Variants in LIMCH1 observed in about 807,000 individuals in gnomAD.
The protein encoded by LIMCH1 is LIM and calponin homology domains-containing protein 1.
In LIMCH1, 113 loss-of-function variants were observed where a neutral mutation model predicts 176.5. The observed-to-expected ratio is 0.64, with a 90% CI of 0.55 to 0.75. The LOEUF (loss-of-function observed/expected upper bound fraction) is 0.75, where lower values mean the gene tolerates loss of function less well. Among genes scored for constraint, LIMCH1 ranks in the 30% least tolerant of loss-of-function variants. The pLI is 0.00. For missense variants in LIMCH1, 1,674 were observed against 1,814.9 expected (o/e 0.92, Z 1.41); for synonymous variants, 619 against 645.9 (o/e 0.96, Z 0.63).
intron 1 of LIMCH1, among the ~76,000 whole-genome samples, chr4:41,547,869 A>G (rs1324414786): frequency 4.8e-5 from 6 of 124,466 alleles, no homozygotes; most frequent in South Asian, 2.4e-4. Flanking sequence ...GTGTGTATAT[A>G]TATATATATA....
intron 2 of LIMCH1, among the ~76,000 whole-genome samples, chr4:41,505,262 A>C (rs1356483903): frequency 2.0e-5 from 3 of 152,160 alleles, no homozygotes; most frequent in African/African-American, 7.2e-5. Context: ...GGCTGTTCTT[A>C]TTATTGTTTT....
At chr4:41,480,871 G>A (rs1395448478) in intron 1 of LIMCH1, among the ~76,000 whole-genome samples, 1 of 152,140 alleles carries the variant, frequency 6.6e-6, no homozygotes, top group Non-Finnish European at 1.5e-5. Context: ...CAAGGCAAGG[G>A]CAGCTTAAGG....
At chr4:41,627,770 C>A (rs2093062107) in intron 8 of LIMCH1, among the ~76,000 whole-genome samples, 1 of 152,200 alleles carries the variant, frequency 6.6e-6, no homozygotes, top group Admixed American at 6.5e-5. Flanking sequence ...TTTCATCCTG[C>A]AGAGTTAATC....
Position 41,680,082 on chromosome 4 carries a change from G to A in LIMCH1, c.3596G>A (p.Arg1199His), listed in dbSNP as rs776885660. The A allele has an allele frequency of 5.2e-5, 83 of 1,604,806 alleles. No homozygotes were observed. The highest frequency in any genetic ancestry group is 1.6e-4 in the Middle Eastern group (1 of 6,074). Residue 1199 changes from arginine to histidine, a missense_variant, in exon 24 of 32, where the codon CGC becomes CAC. Around this residue, in one of 3 missense-constraint regions of LIMCH1, gnomAD observed 1,015 missense variants for 1,102.5 expected, o/e 0.92. Coordinates refer to ENST00000503057, the MANE Select transcript of LIMCH1 (RefSeq NM_001330672.2). ...KAQKEVEEEE[R>H]RYYEEERKII... ...CAAAAGGAGGTGGAAGAGGAAGAACGCAGATACTATGAGGAGGTAGGAAAT... is the reference window on the plus strand; with the variant it reads ...CAAAAGGAGGTGGAAGAGGAAGAACACAGATACTATGAGGAGGTAGGAAAT...
intron 1 of LIMCH1, among the ~76,000 whole-genome samples, chr4:41,561,020 AAAAC>A (rs1470857477): frequency 2.0e-5 from 3 of 152,200 alleles, no homozygotes; most frequent in Non-Finnish European, 2.9e-5. Context: ...GTGTCTCAAA[AAAAC>A]AAACAAACCA....
intron 1 of LIMCH1, among the ~76,000 whole-genome samples, chr4:41,442,519 G>A (rs897159444): frequency 2.6e-5 from 4 of 152,182 alleles, no homozygotes; most frequent in African/African-American, 7.2e-5. Context: ...TTAATTGGGT[G>A]TATAACCAAC....
intron 1 of LIMCH1, among the ~76,000 whole-genome samples, chr4:41,435,685 G>A (rs1052587092): frequency 1.3e-5 from 2 of 152,090 alleles, no homozygotes. Flanking sequence ...GAACATTGAG[G>A]GGTAAGGAGT....
At chr4:41,455,732 A>C (rs894913789) in intron 1 of LIMCH1, among the ~76,000 whole-genome samples, 2 of 152,252 alleles carry the variant, frequency 1.3e-5, no homozygotes, top group African/African-American at 4.8e-5. Flanking sequence ...AAGTTAATTT[A>C]ATGTTTTGAG....
chr4:41,534,702 T>A (rs544389373), upstream of LIMCH1, among the ~76,000 whole-genome samples: 13 of 114,136 alleles, frequency 1.1e-4, no homozygotes, highest in Middle Eastern at 4.9e-3. Context: ...GAAGACATAT[T>A]TTTTTTTTCT....
chr4:41,361,647 T>A (rs1414412509), intron 1 of LIMCH1, among the ~76,000 whole-genome samples: 1 of 152,178 alleles, frequency 6.6e-6, no homozygotes, highest in Non-Finnish European at 1.5e-5. Context: ...TTTCACTTCT[T>A]AAATAACTCG....
chr4:41,522,413 T>C (rs2076211593), intron 2 of LIMCH1, among the ~76,000 whole-genome samples: 1 of 152,166 alleles, frequency 6.6e-6, no homozygotes, highest in Admixed American at 6.5e-5. Flanking sequence ...CTTCAGAGAG[T>C]AGGCTGGAGT....
intron 1 of LIMCH1, among the ~76,000 whole-genome samples, chr4:41,402,327 C>A (rs1181592062): frequency 6.6e-6 from 1 of 151,620 alleles, no homozygotes; most frequent in Non-Finnish European, 1.5e-5. Context: ...CAGGAAACAA[C>A]AGGTGCTGGA....
chr4:41,558,512 C>T (rs2081607176), intron 1 of LIMCH1, among the ~76,000 whole-genome samples: 3 of 152,070 alleles, frequency 2.0e-5, no homozygotes, highest in Admixed American at 2.0e-4. Flanking sequence ...ATATCCTGTC[C>T]CTCATTTCTA....
At position 41,682,428 on chromosome 4, in the gene LIMCH1, T is replaced by A; in HGVS notation, c.3813T>A (p.Thr1271=). The A allele has an allele frequency of 1.2e-6, 2 of 1,613,092 alleles. No individual in the cohort carries two copies. Among genetic ancestry groups the A allele is most frequent in the Non-Finnish European group, 1.7e-6 (2 of 1,179,344 alleles). The change falls in exon 26 of 32, where the codon ACT becomes ACA. Residue 1271 remains threonine (T), a synonymous_variant. Transcript: ENST00000503057. ...ATGACAGTGACTTATTGCTGAAGAC[T>A]AGGGAAAGTGATCGACTGGAGGAGA... ...QGDDSDLLLK[T]RESDRLEEKG...
At position 41,461,349 on chromosome 4, in the gene LIMCH1, A is replaced by G. The variant is rs573008419; in HGVS notation, c.97-33187A>G. Among the ~76,000 whole-genome samples the G allele has an allele frequency of 3.3e-5, 5 of 152,268 alleles. No homozygotes were observed. In the East Asian group the frequency reaches 9.7e-4, roughly 29 times the overall value. On this transcript the variant is annotated intron_variant, in intron 1 of 26. Coordinates refer to the LIMCH1 transcript ENST00000313860. ...TGCTGGATGCAGTTTGTTTGGGCTT[A>G]TTTCTTCGATTGCTTAAAAACGACT...
In LIMCH1 at chr4:41,662,369, T is replaced by A. The variant is rs77872912; in HGVS notation, c.3128-452T>A. Among the ~76,000 whole-genome samples the A allele has an allele frequency of 7.7e-3, 1,166 of 152,304 alleles. 17 individuals carry two copies. Among genetic ancestry groups the A allele is most frequent in the African/African-American group, 0.026 (1,065 of 41,548 alleles). On this transcript the variant is annotated intron_variant, in intron 19 of 31. Transcript: ENST00000503057. ...TTATATACATATACCCCACAATCCG[T>A]AACACATTCCAATTAAGAAATTCTG... is the stretch of plus-strand genomic sequence containing the variant.
At chr4:41,643,597 T>A (rs2093927195) in intron 14 of LIMCH1, among the ~76,000 whole-genome samples, 1 of 152,212 alleles carries the variant, frequency 6.6e-6, no homozygotes, top group Non-Finnish European at 1.5e-5. Flanking sequence ...TGCACAACAT[T>A]TAATAAGCTC....
chr4:41,449,631 A>G (rs1424106018), intron 1 of LIMCH1, among the ~76,000 whole-genome samples: 1 of 152,150 alleles, frequency 6.6e-6, no homozygotes, highest in Non-Finnish European at 1.5e-5. Flanking sequence ...TAGAATGTCG[A>G]TGCCACTTTT....
chr4:41,595,423 T>C (rs1159872988), intron 1 of LIMCH1, among the ~76,000 whole-genome samples: 1 of 152,208 alleles, frequency 6.6e-6, no homozygotes, highest in Non-Finnish European at 1.5e-5. Flanking sequence ...TATTTTATTT[T>C]TTCCACTGTG....
Sources: gnomAD v4.1 joint callset for allele counts (sites outside exome capture counted in the v4.1 genomes callset) on GRCh38, gnomAD v4.1.1 for gene constraint, gnomAD v4.1.1 regional missense constraint, MANE v1.5 for transcripts, NCBI Gene and HGNC (gene_info 2026-07-23, HGNC 2026-07-21) for gene names.